Variants in COL12A1 observed in about 807,000 individuals in gnomAD.
COL12A1 encodes the protein collagen type XII alpha 1 chain.
A neutral mutation model predicts 349.7 loss-of-function variants in COL12A1; 114 were observed. That is an observed-to-expected ratio of 0.33 (90% CI 0.28 to 0.38). COL12A1 has a LOEUF of 0.38. Ranked by LOEUF, COL12A1 falls within the 10% of genes least tolerant of loss-of-function variation. COL12A1 has a pLI of 1.00. For missense variants in COL12A1, 3,284 were observed against 3,756.9 expected (o/e 0.87, Z 3.29); for synonymous variants, 1,369 against 1,329.0 (o/e 1.03, Z -0.66).
intron 38 of COL12A1, among the ~76,000 whole-genome samples, chr6:75,126,980 C>A (rs1168911369): frequency 6.6e-6 from 1 of 152,078 alleles, no homozygotes; most frequent in Admixed American, 6.6e-5. Flanking sequence ...GAGATACTGC[C>A]CCCAAGCCCA....
intron 11 of COL12A1, among the ~76,000 whole-genome samples, chr6:75,179,542 C>CAAA (rs58457506): frequency 1.8e-5 from 2 of 112,184 alleles, no homozygotes; most frequent in African/African-American, 6.3e-5. Flanking sequence ...CTAAACCATG[C>CAAA]AAAAAAAAAA....
intron 13 of COL12A1, among the ~76,000 whole-genome samples, chr6:75,171,919 G>A (rs1421651481): frequency 3.9e-5 from 6 of 152,100 alleles, no homozygotes; most frequent in Non-Finnish European, 8.8e-5. Context: ...GAGGCCCTTC[G>A]GTAATCCTTC....
At chr6:75,151,727 C>CCCAAAAAAAGAAGAAAAAAG (rs1767499338) in intron 20 of COL12A1, 140 bp downstream of exon 20, 2 of 1,019,524 alleles carry the variant, frequency 2.0e-6, no homozygotes, top group Non-Finnish European at 2.8e-6. Flanking sequence ...AATTAACTTC[C>CCCAAAAAAAGAAGAAAAAAG]TGGAACATTA....
chr6:75,130,679 G>T (rs1002852711), intron 36 of COL12A1, among the ~76,000 whole-genome samples, 173 bp downstream of exon 36: 1 of 152,058 alleles, frequency 6.6e-6, no homozygotes, highest in Non-Finnish European at 1.5e-5. Context: ...AGAAGTTCAC[G>T]TCACACAAAC....
At chr6:75,122,957 C>T (rs1007255868) in intron 43 of COL12A1, among the ~76,000 whole-genome samples, 2 of 152,194 alleles carry the variant, frequency 1.3e-5, no homozygotes, top group African/African-American at 4.8e-5. Flanking sequence ...ATTTTAAAGC[C>T]AACAGCCTCA....
At chr6:75,196,049 C>T (rs541096077) in intron 2 of COL12A1, among the ~76,000 whole-genome samples, 3 of 152,276 alleles carry the variant, frequency 2.0e-5, no homozygotes, top group South Asian at 4.1e-4. Context: ...TGAACAAAAG[C>T]CTCCATGTAC....
intron 60 of COL12A1, among the ~76,000 whole-genome samples, chr6:75,094,783 C>T (rs1767928847): frequency 6.6e-6 from 1 of 152,184 alleles, no homozygotes; most frequent in Admixed American, 6.5e-5. Flanking sequence ...TCTTAAGCAG[C>T]ATACCACTCC....
At chr6:75,199,983 T>C (rs1392254579) in intron 2 of COL12A1, among the ~76,000 whole-genome samples, 1 of 152,134 alleles carries the variant, frequency 6.6e-6, no homozygotes, top group Non-Finnish European at 1.5e-5. Flanking sequence ...GGTAATAAAA[T>C]AGTATGAATA....
rs1394487653 is a variant in COL12A1 at position 75,152,002 on chromosome 6, T to C, written c.3865A>G (p.Asn1289Asp). 1 of 1,613,862 alleles carries C rather than the reference T, an allele frequency of 6.2e-7. No individual in the cohort carries two copies. The highest frequency in any genetic ancestry group is 1.7e-5 in the Admixed American group (1 of 59,998). The part of the protein sequence containing the change: ...GMALNFIRQQ[N>D]FRTQAGMRPR... ...CTCATGCCAGCTTGGGTCCTGAAGT[T>C]CTGTTGGCGAATGAAATTCAAAGCC... Residue 1289 changes from asparagine (N) to aspartate (D), a missense_variant, in exon 20 of 66, where the codon AAC (asparagine) becomes GAC (aspartate). This residue lies in a region of COL12A1 where 2,601 missense variants were observed against 2,824.8 expected (regional missense o/e 0.92). Coordinates refer to ENST00000322507, the MANE Select transcript of COL12A1 (RefSeq NM_004370.6).
intron 27 of COL12A1, among the ~76,000 whole-genome samples, chr6:75,140,611 G>A (rs374000418): frequency 1.4e-5 from 2 of 145,470 alleles, no homozygotes; most frequent in South Asian, 2.2e-4. Flanking sequence ...AGCCGAGATC[G>A]TGCCACTGCA....
At chr6:75,091,910 C>A (rs1767786393) in intron 60 of COL12A1, among the ~76,000 whole-genome samples, 1 of 152,182 alleles carries the variant, frequency 6.6e-6, no homozygotes, top group Non-Finnish European at 1.5e-5. Flanking sequence ...AGTTGGTTAT[C>A]TGAGCTGCTT....
chr6:75,124,321 A>G lies in COL12A1; in HGVS notation c.6658T>C (p.Phe2220Leu). The change falls in exon 41 of 66, where the codon TTC becomes CTC. Residue 2220 changes from phenylalanine (F) to leucine (L), a missense_variant. Phe to Leu is a conservative substitution (Grantham distance 22, BLOSUM62 0). Transcript: ENST00000322507. ...CGGTGAGGTGACCATTTGACACAGA[A>G]TGTATCCCACCCAATCTGGTAAGTT... ...LKTYQIGWDT[F>L]CVKWSPHRAA... 4 of 1,613,650 alleles carry G rather than the reference A, an allele frequency of 2.5e-6. No homozygotes were observed. The highest frequency in any genetic ancestry group is 2.2e-5 in the East Asian group (1 of 44,868).
At chr6:75,138,630 TAC>T (rs1446143137) in intron 28 of COL12A1, 50 bp from the exon 29 acceptor site, 1 of 1,605,118 alleles carries the variant, frequency 6.2e-7, no homozygotes, top group South Asian at 1.1e-5. Flanking sequence ...AGTCTCCACT[TAC>T]ATCATACACA....
intron 7 of COL12A1, among the ~76,000 whole-genome samples, chr6:75,188,936 C>A (rs1769779261): frequency 6.6e-6 from 1 of 152,012 alleles, no homozygotes; most frequent in Admixed American, 6.6e-5. Flanking sequence ...CAAGGAGGAT[C>A]TTTATTAGAA....
At position 75,085,691 on chromosome 6, in the gene COL12A1, T is replaced by G; in HGVS notation, c.*856A>C. The G allele has an allele frequency of 4.0e-6, 1 of 251,982 alleles. No individual in the cohort carries two copies. Among genetic ancestry groups the G allele is most frequent in the Non-Finnish European group, 8.1e-6 (1 of 123,584 alleles). The allele number at this position is 251,982 out of a possible 1,614,324, so 15.6% of individuals were successfully genotyped here. ...TTTCGCAAATCCCCAAGTAACTGTT[T>G]ATGCCTTCAAACTCCTCAATTCAAA... On this transcript the variant is annotated 3_prime_UTR_variant, in exon 66 of 66. Transcript: ENST00000322507.
chr6:75,119,836 G>C (rs1769267698), intron 44 of COL12A1, among the ~76,000 whole-genome samples: 1 of 152,148 alleles, frequency 6.6e-6, no homozygotes, highest in African/African-American at 2.4e-5. Context: ...TTAAACAGTT[G>C]ACTCAGCCAA....
chr6:75,114,879 A>G (rs1769000599), intron 49 of COL12A1, among the ~76,000 whole-genome samples: 1 of 152,122 alleles, frequency 6.6e-6, no homozygotes, highest in Non-Finnish European at 1.5e-5. Context: ...CTGATGCTTG[A>G]GAAAACAATA....
intron 22 of COL12A1, among the ~76,000 whole-genome samples, 188 bp from the exon 23 acceptor site, chr6:75,147,992 T>G (rs1767287800): frequency 6.6e-6 from 1 of 152,240 alleles, no homozygotes; most frequent in African/African-American, 2.4e-5. Context: ...TTCTCCCAGC[T>G]GTTATTTATT....
At position 75,133,373 on chromosome 6, in the gene COL12A1, G is replaced by A. The variant is rs866151025; in HGVS notation, c.5714C>T (p.Pro1905Leu). The A allele has an allele frequency of 1.9e-6, 3 of 1,612,936 alleles. No individual in the cohort carries two copies. Among genetic ancestry groups the A allele is most frequent in the East Asian group, 4.5e-5 (2 of 44,834 alleles). ...TACAGTCACAGTGTATGAGGTATCTGGCTGCAGATTCCTAAGAATGGCATA... is the reference window on the plus strand; with the variant it reads ...TACAGTCACAGTGTATGAGGTATCTAGCTGCAGATTCCTAAGAATGGCATA... ...TNYAILRNLQ[P>L]DTSYTVTVVP... Residue 1905 changes from proline to leucine, a missense_variant, in exon 34 of 66, where the codon CCA (proline) becomes CTA (leucine). This residue lies in a region of COL12A1 where 2,601 missense variants were observed against 2,824.8 expected (regional missense o/e 0.92). Transcript: ENST00000322507.
Sources: allele counts gnomAD v4.1 joint callset (sites outside exome capture counted in the v4.1 genomes callset), GRCh38; gene constraint gnomAD v4.1.1; regional missense constraint gnomAD v4.1.1; transcripts MANE v1.5; gene names NCBI Gene and HGNC (gene_info 2026-07-23, HGNC 2026-07-21).